The following DNAH9 variants were observed in gnomAD, a reference collection of about 807,000 sequenced individuals.
The protein encoded by DNAH9 is DNAH9 variant protein.
Under a neutral mutation model 471.6 loss-of-function variants are expected in DNAH9, and 345 were observed. The observed-to-expected ratio is 0.73, with a 90% CI of 0.67 to 0.80. DNAH9 has a LOEUF of 0.80. Ranked by LOEUF, DNAH9 falls within the 30% of genes least tolerant of loss-of-function variation. DNAH9 has a pLI of 0.00. For synonymous variants in DNAH9, 2,093 were observed against 2,123.6 expected (o/e 0.99, Z 0.40); for missense variants, 5,407 against 5,609.2 (o/e 0.96, Z 1.15).
intron 49 of DNAH9, among the ~76,000 whole-genome samples, chr17:11,837,148 A>G (rs1482159862): frequency 2.0e-5 from 3 of 152,240 alleles, no homozygotes; most frequent in East Asian, 1.9e-4. Flanking sequence ...AACAAAATGA[A>G]CATTTATAAA....
intron 68 of DNAH9, among the ~76,000 whole-genome samples, chr17:11,964,369 G>A (rs1307651979): frequency 6.6e-6 from 1 of 152,180 alleles, no homozygotes; most frequent in Non-Finnish European, 1.5e-5. Context: ...GAAAGTCAGT[G>A]ACACTGGAAG....
intron 62 of DNAH9, chr17:11,925,375 T>C: frequency 3.1e-6 from 1 of 318,266 alleles, no homozygotes; most frequent in Non-Finnish European, 6.3e-6. Context: ...CTGCTGGGTC[T>C]TTGTCCTTAA....
At chr17:11,861,088 C>T (rs1971830318) in intron 50 of DNAH9, among the ~76,000 whole-genome samples, 2 of 149,576 alleles carry the variant, frequency 1.3e-5, no homozygotes, top group Non-Finnish European at 3.0e-5. Context: ...AGGTTAGTTA[C>T]ATATGTATAC....
At position 11,930,101 on chromosome 17, in the gene DNAH9, C is replaced by T. The variant is rs750006038; in HGVS notation, c.12105+8C>T. 1.2e-6 allele frequency: 2 copies of T among 1,610,596 alleles called. No individual in the cohort carries two copies. Among genetic ancestry groups the T allele is most frequent in the East Asian group, 2.2e-5 (1 of 44,834 alleles). On this transcript the variant is annotated splice_region_variant and intron_variant, in intron 63 of 68. Transcript: ENST00000262442. ...CTGGACAACTTCACTCAGGTACGGC[C>T]CCGGGAGGGAGGCAAAAACAGCAGC... is the stretch of plus-strand genomic sequence containing the variant.
chr17:11,897,723 C>T (rs1973263794), intron 59 of DNAH9, among the ~76,000 whole-genome samples: 1 of 152,148 alleles, frequency 6.6e-6, no homozygotes, highest in South Asian at 2.1e-4. Context: ...CCTTGGTTTC[C>T]TCATCTGCAA....
chr17:11,798,113 C>T (rs1241641531), intron 43 of DNAH9, among the ~76,000 whole-genome samples: 2 of 152,134 alleles, frequency 1.3e-5, no homozygotes, highest in South Asian at 2.1e-4. Flanking sequence ...CCATCACCAC[C>T]TTGTTATTAG....
At chr17:11,704,481 C>T (rs761678053) in intron 25 of DNAH9, 39 bp downstream of exon 25, 129 of 1,600,688 alleles carry the variant, frequency 8.1e-5, no homozygotes, top group Non-Finnish European at 1.1e-4. Context: ...CTTTTGTGTA[C>T]AGCTACACTG....
chr17:11,859,202 C>A (rs972694682), intron 50 of DNAH9, among the ~76,000 whole-genome samples: 1 of 151,734 alleles, frequency 6.6e-6, no homozygotes, highest in Admixed American at 6.6e-5. Flanking sequence ...CACCTGAGCT[C>A]AGGAGTTTGA....
At chr17:11,705,244 G>T in intron 26 of DNAH9, 59 bp downstream of exon 26, 1 of 1,476,130 alleles carries the variant, frequency 6.8e-7, no homozygotes, top group South Asian at 1.2e-5. Flanking sequence ...GCCAGCTAGT[G>T]GGCATCTAGG....
intron 50 of DNAH9, among the ~76,000 whole-genome samples, chr17:11,864,804 G>T (rs954098832): frequency 2.0e-5 from 3 of 151,056 alleles, no homozygotes; most frequent in African/African-American, 7.3e-5. Flanking sequence ...TTTGATCTTT[G>T]TTGGTTTAAA....
At chr17:11,655,287 AGT>A (rs2073616537) in intron 14 of DNAH9, among the ~76,000 whole-genome samples, 1 of 151,842 alleles carries the variant, frequency 6.6e-6, no homozygotes, top group South Asian at 2.1e-4. Context: ...ATGGTCTCCA[AGT>A]CCATCCAGGT....
intron 50 of DNAH9, among the ~76,000 whole-genome samples, chr17:11,858,901 A>G (rs1383759010): frequency 6.6e-6 from 1 of 151,910 alleles, no homozygotes; most frequent in Non-Finnish European, 1.5e-5. Flanking sequence ...CTGACCAACA[A>G]TGGTGAAACC....
At chr17:11,876,536 A>G (rs1448096169) in intron 53 of DNAH9, among the ~76,000 whole-genome samples, 1 of 152,222 alleles carries the variant, frequency 6.6e-6, no homozygotes, top group Non-Finnish European at 1.5e-5. Flanking sequence ...TGTTATGCAG[A>G]GTAAAATAAG....
intron 61 of DNAH9, among the ~76,000 whole-genome samples, chr17:11,906,324 T>C: frequency 6.6e-6 from 1 of 152,116 alleles, no homozygotes; most frequent in African/African-American, 2.4e-5. Context: ...AATGATAGAC[T>C]GGATAAAGAA....
At chr17:11,698,203 TTAA>T (rs1278920066) in intron 22 of DNAH9, among the ~76,000 whole-genome samples, 44 of 123,142 alleles carry the variant, frequency 3.6e-4, no homozygotes, top group East Asian at 4.2e-4. Context: ...TAATAATATA[TTAA>T]TAATATAATT....
intron 60 of DNAH9, among the ~76,000 whole-genome samples, chr17:11,903,925 G>A (rs1362953774): frequency 2.1e-5 from 2 of 93,618 alleles, no homozygotes; most frequent in African/African-American, 3.6e-5. Context: ...AAGAAAGAAG[G>A]AAGGAAGGAA....
At chr17:11,862,750 G>A (rs988861807) in intron 50 of DNAH9, among the ~76,000 whole-genome samples, 15 of 152,088 alleles carry the variant, frequency 9.9e-5, no homozygotes, top group African/African-American at 3.6e-4. Flanking sequence ...CTTGTAAGTT[G>A]GATTCCTAGG....
chr17:11,719,381 C>T lies in DNAH9; in HGVS notation c.5600C>T (p.Ala1867Val), dbSNP rs2075016380. The T allele has an allele frequency of 6.2e-7, 1 of 1,613,954 alleles. No individual in the cohort carries two copies. The highest frequency in any genetic ancestry group is 8.5e-7 in the Non-Finnish European group (1 of 1,179,980). Residue 1867 changes from alanine (A) to valine (V), a missense_variant, in exon 27 of 69, where the codon GCT becomes GTT. Ala to Val is a moderately conservative substitution (Grantham distance 64, BLOSUM62 0). This residue lies in a region of DNAH9 where 4,636 missense variants were observed against 4,900.3 expected (regional missense o/e 0.95). Coordinates refer to ENST00000262442, the MANE Select transcript of DNAH9 (RefSeq NM_001372.4). ...TQSLHLTMSG[A>V]PAGPAGTGKT... ...TCCCTGCACCTGACCATGAGTGGGGCTCCCGCAGGACCTGCAGGCACAGGC... is the reference window on the plus strand; with the variant it reads ...TCCCTGCACCTGACCATGAGTGGGGTTCCCGCAGGACCTGCAGGCACAGGC...
chr17:11,746,015 G>A (rs1389848400), intron 31 of DNAH9, among the ~76,000 whole-genome samples: 1 of 152,148 alleles, frequency 6.6e-6, no homozygotes, highest in Non-Finnish European at 1.5e-5. Context: ...AACTAGAGCT[G>A]GAAAGACATG....
Sources: gnomAD v4.1 joint callset for allele counts (sites outside exome capture counted in the v4.1 genomes callset) on GRCh38, gnomAD v4.1.1 for gene constraint, gnomAD v4.1.1 regional missense constraint, MANE v1.5 for transcripts, NCBI Gene and HGNC (gene_info 2026-07-23, HGNC 2026-07-21) for gene names.